KCND3: variants seen among roughly 807,000 people sequenced by gnomAD.
KCND3 encodes the protein A-type voltage-gated potassium channel KCND3.
In KCND3, 9 loss-of-function variants were observed where a neutral mutation model predicts 51.1. The ratio of observed to expected loss-of-function variants is 0.18; its 90% CI spans 0.11 to 0.31. The LOEUF is 0.31. Ranked by LOEUF, KCND3 falls within the 10% of genes least tolerant of loss-of-function variation. The pLI, the probability that KCND3 is intolerant of heterozygous loss-of-function variation, is 1.00. For synonymous variants in KCND3, 349 were observed against 368.0 expected, an observed-to-expected ratio of 0.95 and a Z score of 0.59; for missense variants, 526 against 903.8, an observed-to-expected ratio of 0.58 and a Z score of 5.36.
At chr1:111,953,213 C>T (rs1172944229) in intron 2 of KCND3, among the ~76,000 whole-genome samples, 1 of 152,032 alleles carries the variant, frequency 6.6e-6, no homozygotes, top group African/African-American at 2.4e-5. Context: ...ACACAGGATC[C>T]CAGCTGTCCA....
intron 2 of KCND3, among the ~76,000 whole-genome samples, chr1:111,806,982 G>A (rs1665601704): frequency 6.6e-6 from 1 of 152,216 alleles, no homozygotes; most frequent in Non-Finnish European, 1.5e-5. Flanking sequence ...TTGGATTAAG[G>A]AATTTGGGTT....
At chr1:111,961,029 T>C (rs1396186858) in intron 2 of KCND3, among the ~76,000 whole-genome samples, 3 of 152,200 alleles carry the variant, frequency 2.0e-5, no homozygotes, top group Admixed American at 6.5e-5. Flanking sequence ...GCCTCGACTC[T>C]GTGCTCTTGT....
At chr1:111,839,930 C>T (rs1389284009) in intron 2 of KCND3, among the ~76,000 whole-genome samples, 2 of 152,194 alleles carry the variant, frequency 1.3e-5, no homozygotes, top group African/African-American at 2.4e-5. Flanking sequence ...TTAGTCCATT[C>T]GAGCTGCTAT....
At chr1:111,777,347 G>A (rs1664174010) in intron 6 of KCND3, 74 bp from the exon 7 acceptor site, 2 of 1,507,062 alleles carry the variant, frequency 1.3e-6, no homozygotes, top group Non-Finnish European at 1.8e-6. Flanking sequence ...TACTCTGTAT[G>A]GCTGCCTGTC....
intron 2 of KCND3, among the ~76,000 whole-genome samples, chr1:111,889,033 A>T (rs1159867506): frequency 6.6e-6 from 1 of 152,158 alleles, no homozygotes; most frequent in African/African-American, 2.4e-5. Context: ...TTGGTTCATC[A>T]CTGGGACTTC....
intron 2 of KCND3, among the ~76,000 whole-genome samples, chr1:111,864,857 G>A (rs1297139518): frequency 2.0e-5 from 3 of 152,178 alleles, no homozygotes; most frequent in Admixed American, 6.5e-5. Flanking sequence ...GTGTGTATAC[G>A]TTAGGGTTGG....
intron 2 of KCND3, among the ~76,000 whole-genome samples, chr1:111,793,835 GA>G (rs11388262): frequency 7.9e-5 from 12 of 151,008 alleles, no homozygotes; most frequent in East Asian, 7.8e-4. Flanking sequence ...TCATGGCTTA[GA>G]AAAAAAAAAT....
intron 2 of KCND3, among the ~76,000 whole-genome samples, chr1:111,962,541 C>A (rs1371315774): frequency 1.3e-5 from 2 of 152,232 alleles, no homozygotes; most frequent in Non-Finnish European, 2.9e-5. Context: ...GCCATTACAT[C>A]CCACTCTTAG....
rs1664024828 is a variant in KCND3 at position 111,774,334 on chromosome 1, T to G, written c.*1743A>C. 6.6e-6 allele frequency: 1 copy of G among 152,124 alleles called. No homozygotes were observed. Among genetic ancestry groups the G allele is most frequent in the Non-Finnish European group, 1.5e-5 (1 of 68,060 alleles). The allele number at this position is 152,124 out of a possible 1,614,324, so 9.4% of individuals were successfully genotyped here. On this transcript the variant is annotated 3_prime_UTR_variant, in exon 8 of 8. Transcript: ENST00000302127. The stretch of plus-strand genomic sequence containing the variant: ...GATGGATAGGCAGCTCCCGAGGAGC[T>G]CATGTATTTCAGAGCCCAGGCTACA...
At chr1:111,849,416 C>T (rs1287724548) in intron 2 of KCND3, among the ~76,000 whole-genome samples, 1 of 152,228 alleles carries the variant, frequency 6.6e-6, no homozygotes, top group Non-Finnish European at 1.5e-5. Flanking sequence ...TTCCTCTCTG[C>T]CCCCTGGGGT....
At chr1:111,847,343 AGTGT>A (rs1557974848) in intron 2 of KCND3, among the ~76,000 whole-genome samples, 2 of 152,028 alleles carry the variant, frequency 1.3e-5, no homozygotes, top group Non-Finnish European at 2.9e-5. Context: ...AAAGCGTGTG[AGTGT>A]GTGTGAGTGT....
chr1:111,872,930 G>T (rs889989538), intron 2 of KCND3, among the ~76,000 whole-genome samples: 8 of 152,148 alleles, frequency 5.3e-5, no homozygotes, highest in Non-Finnish European at 1.0e-4. Flanking sequence ...ACAATGTTAG[G>T]CATTGCTCTC....
chr1:111,932,009 C>T (rs1671996652), intron 2 of KCND3, among the ~76,000 whole-genome samples: 1 of 152,218 alleles, frequency 6.6e-6, no homozygotes, highest in African/African-American at 2.4e-5. Flanking sequence ...TGCAATGGGC[C>T]TCCCTGGGTT....
intron 2 of KCND3, among the ~76,000 whole-genome samples, chr1:111,925,074 C>T (rs1671642011): frequency 6.6e-6 from 1 of 152,220 alleles, no homozygotes; most frequent in East Asian, 1.9e-4. Context: ...CCTTTGACCT[C>T]TGTGGTCAGC....
At chr1:111,837,967 C>A (rs189937486) in intron 2 of KCND3, among the ~76,000 whole-genome samples, 2 of 152,214 alleles carry the variant, frequency 1.3e-5, no homozygotes, top group African/African-American at 4.8e-5. Flanking sequence ...ACAGAGGTGC[C>A]GTTCTCATCA....
chr1:111,987,003 A>C (rs1364440590), intron 1 of KCND3, among the ~76,000 whole-genome samples: 1 of 152,182 alleles, frequency 6.6e-6, no homozygotes, highest in Non-Finnish European at 1.5e-5. Context: ...CCCAGAATAA[A>C]GCTCAGAGAG....
chr1:111,891,776 T>C (rs55980719), intron 2 of KCND3, among the ~76,000 whole-genome samples: 12,109 of 152,278 alleles, frequency 0.08, 515 homozygotes, highest in East Asian at 0.17. Flanking sequence ...GCTGAGTAAA[T>C]GAATAAATTG....
intron 2 of KCND3, among the ~76,000 whole-genome samples, chr1:111,934,668 T>G (rs1217791213): frequency 1.3e-5 from 2 of 152,238 alleles, no homozygotes; most frequent in African/African-American, 4.8e-5. Context: ...TTTGTGCATG[T>G]GTGTGCGTAC....
At chr1:111,887,264 T>C (rs1669612077) in intron 2 of KCND3, among the ~76,000 whole-genome samples, 2 of 152,184 alleles carry the variant, frequency 1.3e-5, no homozygotes, top group Admixed American at 1.3e-4. Context: ...CAAAGCCCCT[T>C]TGAAGACATA....
Sources: gnomAD v4.1 joint callset for allele counts (sites outside exome capture counted in the v4.1 genomes callset) on GRCh38, gnomAD v4.1.1 for gene constraint, MANE v1.5 for transcripts, NCBI Gene and HGNC (gene_info 2026-07-23, HGNC 2026-07-21) for gene names.